ZNF143: variants seen among roughly 807,000 people sequenced by gnomAD.
ZNF143 encodes zinc finger protein 143, also known as SPH-binding factor.
In ZNF143, 49 loss-of-function variants were observed where a neutral mutation model predicts 74.1. The ratio of observed to expected loss-of-function variants is 0.66; its 90% CI spans 0.53 to 0.84. The LOEUF is 0.84. ZNF143 is among the 40% of genes least tolerant of loss of function. The pLI, the probability that ZNF143 is intolerant of heterozygous loss-of-function variation, is 0.00. For synonymous variants in ZNF143, 304 were observed against 282.8 expected (o/e 1.07, Z -0.75); for missense variants, 637 against 793.4 (o/e 0.80, Z 2.37).
intron 7 of ZNF143, among the ~76,000 whole-genome samples, chr11:9,493,018 A>G (rs1173885238): frequency 6.6e-6 from 1 of 151,776 alleles, no homozygotes; most frequent in African/African-American, 2.4e-5. Context: ...TTGTATAGGC[A>G]CTTTTCAGTC....
intron 1 of ZNF143, among the ~76,000 whole-genome samples, chr11:9,469,251 T>C (rs1856432189): frequency 8.0e-6 from 1 of 125,104 alleles, no homozygotes; most frequent in Non-Finnish European, 1.6e-5. Context: ...CACCCCCCCA[T>C]ACGGAGTTTC....
At chr11:9,516,711 CAT>C (rs774546536) in intron 14 of ZNF143, among the ~76,000 whole-genome samples, 1 of 152,098 alleles carries the variant, frequency 6.6e-6, no homozygotes, top group Non-Finnish European at 1.5e-5. Flanking sequence ...TTGAATATGT[CAT>C]ATATTCATAT....
chr11:9,516,490 G>T (rs1204358751), intron 14 of ZNF143, 128 bp downstream of exon 14: 1 of 864,616 alleles, frequency 1.2e-6, no homozygotes, highest in Non-Finnish European at 1.7e-6. Flanking sequence ...TAACTTCTTA[G>T]CTACTTAACC....
intron 7 of ZNF143, among the ~76,000 whole-genome samples, chr11:9,486,387 A>ATATT (rs1491455973): frequency 0.035 from 621 of 17,952 alleles, 53 homozygotes; most frequent in Non-Finnish European, 0.052. Context: ...TTATATATAT[A>ATATT]ATATATATAA....
Position 9,516,363 on chromosome 11 carries a change from GTAAT to G in ZNF143, c.1686+4_1686+7del. 6.2e-7 allele frequency: 1 copy of G among 1,606,758 alleles called. No homozygotes were observed. The highest frequency in any genetic ancestry group is 8.5e-7 in the Non-Finnish European group (1 of 1,176,034). ...TGCTGAGGGTACAGAAGGGGAACAG[GTAAT>G]TACTTTTTTCTGTTATGTCAATCAA... On this transcript the variant is annotated splice_donor_variant and splice_donor_5th_base_variant and intron_variant, in intron 14 of 15. Transcript: ENST00000396602. LOFTEE classifies it high-confidence loss of function.
intron 7 of ZNF143, among the ~76,000 whole-genome samples, chr11:9,490,294 C>CTTTTTTTTTT (rs56672880): frequency 8.5e-5 from 8 of 94,012 alleles, no homozygotes; most frequent in Non-Finnish European, 6.0e-5. Flanking sequence ...TTTTTTTTTG[C>CTTTTTTTTTT]TTTTTTTTTT....
chr11:9,525,473 T>G, intron 15 of ZNF143, 87 bp downstream of exon 15: 1 of 1,535,422 alleles, frequency 6.5e-7, no homozygotes, highest in East Asian at 2.3e-5. Context: ...GTATAACCTT[T>G]ACAGGAGGCA....
At chr11:9,473,204 A>C (rs1407797972) in intron 3 of ZNF143, among the ~76,000 whole-genome samples, 1 of 152,024 alleles carries the variant, frequency 6.6e-6, no homozygotes, top group Non-Finnish European at 1.5e-5. Context: ...CAGCCTGACC[A>C]ACATGGAGAA....
At chr11:9,470,202 G>A (rs1379884234) in intron 1 of ZNF143, among the ~76,000 whole-genome samples, 2 of 152,300 alleles carry the variant, frequency 1.3e-5, no homozygotes, top group Middle Eastern at 3.4e-3. Flanking sequence ...ATTGGTAGAA[G>A]AGTTGCCCAT....
At chr11:9,522,355 A>T (rs1424106517) in intron 14 of ZNF143, among the ~76,000 whole-genome samples, 3 of 152,060 alleles carry the variant, frequency 2.0e-5, no homozygotes, top group African/African-American at 7.2e-5. Context: ...CCTCCCAAGA[A>T]GCTAGGACTG....
At chr11:9,520,572 C>T (rs1444659183) in intron 14 of ZNF143, among the ~76,000 whole-genome samples, 2 of 151,938 alleles carry the variant, frequency 1.3e-5, no homozygotes, top group African/African-American at 4.8e-5. Flanking sequence ...GCAGGTGGAT[C>T]ACAAGGTCAG....
intron 7 of ZNF143, 51 bp downstream of exon 7, chr11:9,479,597 CCTT>C (rs1277461467): frequency 6.7e-7 from 1 of 1,489,108 alleles, no homozygotes; most frequent in Admixed American, 1.8e-5. Flanking sequence ...ATTTCTGTGC[CCTT>C]CTGTGGATGA....
At chr11:9,510,029 T>C (rs1022535600) in intron 12 of ZNF143, among the ~76,000 whole-genome samples, 3 of 152,176 alleles carry the variant, frequency 2.0e-5, no homozygotes, top group Non-Finnish European at 4.4e-5. Context: ...TTTAATGATA[T>C]CAGACTTAAG....
intron 7 of ZNF143, among the ~76,000 whole-genome samples, chr11:9,491,627 G>C (rs1847781222): frequency 6.6e-6 from 1 of 151,110 alleles, no homozygotes. Flanking sequence ...AACAGAGTGA[G>C]ACTCCGTCTC....
At chr11:9,486,414 T>TATATATTATATATAAAAA (rs1847524595) in intron 7 of ZNF143, among the ~76,000 whole-genome samples, 1 of 24,040 alleles carries the variant, frequency 4.2e-5, no homozygotes, top group Non-Finnish European at 7.7e-5. Context: ...ATATATATAA[T>TATATATTATATATAAAAA]ATATATTATA....
Position 9,525,406 on chromosome 11 carries a change from G to A in ZNF143, c.1833+20G>A, listed in dbSNP as rs1225369661. On this transcript the variant is annotated intron_variant, in intron 15 of 15. Coordinates refer to ENST00000396602, the MANE Select transcript of ZNF143 (RefSeq NM_003442.6). Reference sequence around the variant, plus strand: ...GTTCAGGTGAGTACCAAGGCATACTGTCCTCAGTCGACAGCAGTGCTGCTC... The same window carrying A: ...GTTCAGGTGAGTACCAAGGCATACTATCCTCAGTCGACAGCAGTGCTGCTC... The A allele has an allele frequency of 2.5e-6, 4 of 1,613,776 alleles. No individual in the cohort carries two copies. The highest frequency in any genetic ancestry group is 1.1e-5 in the South Asian group (1 of 91,044).
At chr11:9,472,844 T>C in intron 3 of ZNF143, 75 bp downstream of exon 3, 1 of 1,075,762 alleles carries the variant, frequency 9.3e-7, no homozygotes, top group Non-Finnish European at 1.3e-6. Context: ...CTAGAAGCTA[T>C]ACCACCTTTC....
intron 11 of ZNF143, among the ~76,000 whole-genome samples, chr11:9,504,881 G>A (rs1848301146): frequency 8.4e-6 from 1 of 119,332 alleles, no homozygotes; most frequent in Non-Finnish European, 2.0e-5. Flanking sequence ...CACCATGTTG[G>A]CCATGACAGT....
chr11:9,487,880 TTTTAA>T (rs1847622332), intron 7 of ZNF143, among the ~76,000 whole-genome samples: 1 of 152,232 alleles, frequency 6.6e-6, no homozygotes, highest in Non-Finnish European at 1.5e-5. Flanking sequence ...AGTTTTGGTC[TTTTAA>T]TTTAGCTTTT....
Sources: gnomAD v4.1 joint callset for allele counts (sites outside exome capture counted in the v4.1 genomes callset) on GRCh38, gnomAD v4.1.1 for gene constraint, MANE v1.5 for transcripts, NCBI Gene and HGNC (gene_info 2026-07-23, HGNC 2026-07-21) for gene names.